CRB1: variants seen among roughly 807,000 people sequenced by gnomAD.
CRB1 encodes protein crumbs homolog 1.
CRB1 carries 83 observed loss-of-function variants against 120.0 expected under a neutral mutation model. The observed-to-expected ratio is 0.69, with a 90% CI of 0.58 to 0.83. The LOEUF (loss-of-function observed/expected upper bound fraction) is 0.83, where lower values mean the gene tolerates loss of function less well. CRB1 is among the 40% of genes least tolerant of loss of function. The pLI is 0.00. For missense variants in CRB1, 1,699 were observed against 1,687.6 expected (o/e 1.01, Z -0.12); for synonymous variants, 625 against 612.5 (o/e 1.02, Z -0.30).
At chr1:197,323,768 C>G (rs1658337824) in intron 1 of CRB1, among the ~76,000 whole-genome samples, 1 of 152,084 alleles carries the variant, frequency 6.6e-6, no homozygotes, top group Non-Finnish European at 1.5e-5. Flanking sequence ...TGCACTTGGT[C>G]CCTTACCCTA....
chr1:197,429,043 T>C (rs771782782), intron 7 of CRB1: 2 of 1,497,768 alleles, frequency 1.3e-6, no homozygotes, highest in Non-Finnish European at 1.8e-6. Flanking sequence ...AGTTTCACTG[T>C]TTCGCTTCTG....
At chr1:197,281,746 G>GA (rs1655533902) in intron 1 of CRB1, among the ~76,000 whole-genome samples, 2 of 151,922 alleles carry the variant, frequency 1.3e-5, no homozygotes. Flanking sequence ...GGAGGATAGC[G>GA]AAGAATGATT....
intron 8 of CRB1, among the ~76,000 whole-genome samples, chr1:197,431,736 G>GT (rs1664878387): frequency 6.6e-6 from 1 of 152,122 alleles, no homozygotes; most frequent in African/African-American, 2.4e-5. Context: ...AGACTAGTAA[G>GT]TCCAGCTCTG....
chr1:197,291,726 T>C (rs1329586266), intron 1 of CRB1, among the ~76,000 whole-genome samples: 2 of 151,886 alleles, frequency 1.3e-5, no homozygotes, highest in African/African-American at 4.8e-5. Context: ...TTATTATTCA[T>C]TGAAATTTTA....
In CRB1 at chr1:197,420,929, A is replaced by C. The variant is rs568782843; in HGVS notation, c.1172-71A>C. On this transcript the variant is annotated intron_variant, in intron 5 of 11. Coordinates refer to ENST00000367400, the MANE Select transcript of CRB1 (RefSeq NM_201253.3). The stretch of plus-strand genomic sequence containing the variant: ...TCATGCACTTCTGCAAGATTATACA[A>C]GTAAATTACGTGAAACTTCTATTTT... 1.3e-4 allele frequency: 135 copies of C among 1,023,826 alleles called. 1 individual carries two copies. The South Asian group carries it at 1.7e-3, about 13-fold the overall frequency. 63.4% of individuals were successfully genotyped at this position (1,023,826 alleles called of 1,614,324 possible).
chr1:197,372,526 G>A (rs578071808), intron 5 of CRB1, among the ~76,000 whole-genome samples: 151 of 152,222 alleles, frequency 9.9e-4, no homozygotes, highest in African/African-American at 3.5e-3. Context: ...CAGAAGCATC[G>A]CTTGCAGCTC....
intron 5 of CRB1, among the ~76,000 whole-genome samples, chr1:197,382,784 T>G (rs752254839): frequency 5.3e-5 from 8 of 152,184 alleles, no homozygotes; most frequent in African/African-American, 1.2e-4. Flanking sequence ...CACTGTTGCA[T>G]GCCCTGAAAA....
In CRB1 at chr1:197,442,279, G is replaced by T. The variant is rs62636285; in HGVS notation, c.3992G>T (p.Arg1331Leu). 5.6e-6 allele frequency: 9 copies of T among 1,614,140 alleles called. No individual in the cohort carries two copies. Among genetic ancestry groups the T allele is most frequent in the Non-Finnish European group, 7.6e-6 (9 of 1,180,028 alleles). The change falls in exon 11 of 12, where the codon CGC becomes CTC. Residue 1331 changes from arginine to leucine, a missense_variant. Transcript: ENST00000367400. Reference protein sequence around the residue: ...CLCDVAFAGERCEVDLADDLI... With the variant: ...CLCDVAFAGELCEVDLADDLI... ...TGTGATGTTGCCTTTGCTGGCGAGC[G>T]CTGCGAGGTGGACGTAAGCAGCCTC...
chr1:197,304,113 G>T (rs1366458709), intron 1 of CRB1, among the ~76,000 whole-genome samples: 1 of 152,154 alleles, frequency 6.6e-6, no homozygotes, highest in Non-Finnish European at 1.5e-5. Flanking sequence ...GCTATGTATT[G>T]ATATGTGGTA....
chr1:197,420,896 T>A (rs1300227379), intron 5 of CRB1, 104 bp from the exon 6 acceptor site: 4 of 815,304 alleles, frequency 4.9e-6, no homozygotes, highest in Non-Finnish European at 8.6e-6. Flanking sequence ...GTCCTAAACC[T>A]GAGCTATTCA....
In CRB1 at chr1:197,462,022, C is replaced by T. The variant is rs191214214; in HGVS notation, c.4006-15642C>T. Reference sequence around the variant, plus strand: ...TGCCATGAATTGCAGGAACTCATCGCGGAGGACATGCCTATTAGAATTTAT... The same window carrying T: ...TGCCATGAATTGCAGGAACTCATCGTGGAGGACATGCCTATTAGAATTTAT... On this transcript the variant is annotated intron_variant, in intron 11 of 11. Transcript: ENST00000367400. Among the ~76,000 whole-genome samples, 15 of 152,152 alleles carry T rather than the reference C, an allele frequency of 9.9e-5. 1 individual carries two copies. Among genetic ancestry groups the T allele is most frequent in the Non-Finnish European group, 2.1e-4 (14 of 67,998 alleles).
the CRB1 span, among the ~76,000 whole-genome samples, chr1:197,259,099 C>T: frequency 6.6e-6 from 1 of 152,160 alleles, no homozygotes; most frequent in Admixed American, 6.5e-5. Flanking sequence ...GTTAGTTCAA[C>T]CATTGTGGAA....
In CRB1 at chr1:197,435,228, A is replaced by G. The variant is rs1665088997; in HGVS notation, c.3365A>G (p.Glu1122Gly). The change falls in exon 9 of 12, where the codon GAA becomes GGA. Residue 1122 changes from glutamate (E) to glycine (G), a missense_variant. Physicochemically the swap from Glu to Gly is moderately conservative, Grantham distance 98. Coordinates refer to ENST00000367400, the MANE Select transcript of CRB1 (RefSeq NM_201253.3). ...CATGGTTTCATTAATAAACCTCAGGAAGAGCAATTTCTCAAAATCTCTACC... is the reference window on the plus strand; with the variant it reads ...CATGGTTTCATTAATAAACCTCAGGGAGAGCAATTTCTCAAAATCTCTACC... ...NVHGFINKPQ[E>G]EQFLKISTNS... is the part of the protein sequence containing the mutation. 1 of 1,613,784 alleles carries G rather than the reference A, an allele frequency of 6.2e-7. No homozygotes were observed. Among genetic ancestry groups the G allele is most frequent in the African/African-American group, 1.3e-5 (1 of 74,912 alleles).
chr1:197,248,133 A>G, the CRB1 span, among the ~76,000 whole-genome samples: 43 of 152,086 alleles, frequency 2.8e-4, no homozygotes, highest in Non-Finnish European at 1.2e-4. Flanking sequence ...GTTTTCCTAA[A>G]TGTCATTATT....
intron 2 of CRB1, among the ~76,000 whole-genome samples, chr1:197,331,366 A>G (rs1764786): frequency 0.69 from 105,579 of 152,076 alleles, 36,870 homozygotes; most frequent in East Asian, 0.92. Context: ...TATGATGCTA[A>G]AATGCTTATG....
chr1:197,434,578 G>A, intron 8 of CRB1, 128 bp from the exon 9 acceptor site: 1 of 826,188 alleles, frequency 1.2e-6, no homozygotes, highest in Non-Finnish European at 1.9e-6. Flanking sequence ...AACTAGCACA[G>A]TATGTAACAT....
At chr1:197,440,492 C>T (rs1474659962) in intron 10 of CRB1, 1 of 152,132 alleles carries the variant, frequency 6.6e-6, no homozygotes, top group African/African-American at 2.4e-5. Context: ...TTTCAAAGTC[C>T]TTAACCATCA....
chr1:197,328,762 T>C lies in CRB1; in HGVS notation c.411T>C (p.Pro137=), dbSNP rs1009098995. ...QDPIYPVCIC[P]AGYAGRFCEI... is the part of the protein sequence containing the mutation. ...CTATTTATCCTGTCTGCATCTGCCC[T>C]GCTGGATATGCTGGAAGATTCTGTG... is the stretch of plus-strand genomic sequence containing the variant. The change falls in exon 2 of 12, where the codon CCT becomes CCC. Residue 137 remains proline, a synonymous_variant. Coordinates refer to ENST00000367400, the MANE Select transcript of CRB1 (RefSeq NM_201253.3). 1.2e-6 allele frequency: 2 copies of C among 1,612,050 alleles called. No homozygotes were observed. Among genetic ancestry groups the C allele is most frequent in the African/African-American group, 1.3e-5 (1 of 74,928 alleles).
At position 197,350,264 on chromosome 1, in the gene CRB1, G is replaced by A. The variant is rs1255799381; in HGVS notation, c.988+2785G>A. Among the ~76,000 whole-genome samples, 2 of 152,146 alleles carry A rather than the reference G, an allele frequency of 1.3e-5. 1 individual carries two copies. Among genetic ancestry groups the A allele is most frequent in the East Asian group, 3.9e-4 (2 of 5,172 alleles). ...TCCTGTTTATTAACTGAGTGAACTC[G>A]GGTGAGTTTCCTCTTCATCTCTAAG... On this transcript the variant is annotated intron_variant, in intron 4 of 11. Coordinates refer to ENST00000367400, the MANE Select transcript of CRB1 (RefSeq NM_201253.3).
Sources: gnomAD v4.1 joint callset for allele counts (sites outside exome capture counted in the v4.1 genomes callset) on GRCh38, gnomAD v4.1.1 for gene constraint, MANE v1.5 for transcripts, NCBI Gene and HGNC (gene_info 2026-07-23, HGNC 2026-07-21) for gene names.